ALG13: variants seen among roughly 807,000 people sequenced by gnomAD.
ALG13 encodes the protein ALG13 UDP-N-acetylglucosaminyltransferase subunit, also known as UDP-N-acetylglucosamine transferase subunit ALG13.
A neutral mutation model predicts 87.8 loss-of-function variants in ALG13; 11 were observed. The ratio of observed to expected loss-of-function variants is 0.13; its 90% CI spans 0.08 to 0.21. ALG13 has a LOEUF of 0.21. Ranked by LOEUF, ALG13 falls within the 10% of genes least tolerant of loss-of-function variation. The probability of loss-of-function intolerance (pLI) is 1.00; values close to 1 mark genes in which losing one functional copy is unlikely to be tolerated. For synonymous variants in ALG13, 320 were observed against 306.3 expected, an observed-to-expected ratio of 1.04 and a Z score of -0.47; for missense variants, 756 against 866.1, an observed-to-expected ratio of 0.87 and a Z score of 1.60.
At chrX:111,737,453 C>T (rs978055792) in intron 23 of ALG13, among the ~76,000 whole-genome samples, 2 of 111,668 alleles carry the variant, frequency 1.8e-5, no homozygotes, top group Non-Finnish European at 3.8e-5. Context: ...AAATTATCAG[C>T]AGACTTCTAG....
intron 25 of ALG13, 111 bp from the exon 26 acceptor site, chrX:111,757,477 T>A: frequency 3.5e-6 from 2 of 576,024 alleles, no homozygotes; most frequent in Non-Finnish European, 5.0e-6. Context: ...CACCTGAAAA[T>A]CGTGGCCCAA....
At chrX:111,727,582 T>C (rs770448402) in intron 17 of ALG13, 32 bp from the exon 18 acceptor site, 7 of 1,167,088 alleles carry the variant, frequency 6.0e-6, no homozygotes, top group Non-Finnish European at 8.0e-6. Context: ...TATTTCATCA[T>C]TTTTACTTTT....
At chrX:111,716,579 TGTG>T (rs1464264957) in intron 8 of ALG13, among the ~76,000 whole-genome samples, 1 of 111,731 alleles carries the variant, frequency 9.0e-6, no homozygotes, top group Non-Finnish European at 1.9e-5. Flanking sequence ...AAATACCCCT[TGTG>T]GTGGGAGAAA....
At chrX:111,730,602 A>G (rs1381535142) in intron 21 of ALG13, 22 bp downstream of exon 21, 2 of 1,125,663 alleles carry the variant, frequency 1.8e-6, no homozygotes, top group Admixed American at 5.1e-5. Context: ...ATAATAGCAA[A>G]GAGTTATAGC....
At chrX:111,727,206 C>A in intron 16 of ALG13, 126 bp from the exon 17 acceptor site, 1 of 878,746 alleles carries the variant, frequency 1.1e-6, no homozygotes, top group Admixed American at 3.0e-5. Context: ...GCCAGTATTG[C>A]AGAGAGCAGA....
chrX:111,696,433 A>G (rs964723617), intron 3 of ALG13, among the ~76,000 whole-genome samples: 1 of 111,802 alleles, frequency 8.9e-6, no homozygotes, highest in Non-Finnish European at 1.9e-5. Context: ...CAAGTTCATA[A>G]CATTCTTTTC....
At chrX:111,701,415 A>G (rs1937851003) in intron 3 of ALG13, among the ~76,000 whole-genome samples, 1 of 111,305 alleles carries the variant, frequency 9.0e-6, no homozygotes, top group Non-Finnish European at 1.9e-5. Flanking sequence ...CTATTTCTTC[A>G]TGATTTAGTC....
Position 111,726,923 on chromosome X carries a change from T to A in ALG13, c.1844T>A (p.Leu615Gln). The stretch of plus-strand genomic sequence containing the variant: ...GGAGACCCCCTCCTCCCACCCAGGC[T>A]GCAGCACAGTATGCATTATGGGCAC... ...GKGDPLLPPR[L>Q]QHSMHYGHDP... Residue 615 changes from leucine (L) to glutamine (Q), a missense_variant, in exon 16 of 27, where the codon CTG becomes CAG. Coordinates refer to ENST00000394780, the MANE Select transcript of ALG13 (RefSeq NM_001099922.3). 1.7e-6 allele frequency: 2 copies of A among 1,211,781 alleles called. No individual in the cohort carries two copies. The highest frequency in any genetic ancestry group is 1.8e-5 in the South Asian group (1 of 56,975).
Position 111,708,247 on chromosome X carries a change from T to C in ALG13, c.604T>C (p.Tyr202His). 1.7e-6 allele frequency: 2 copies of C among 1,211,620 alleles called. No individual in the cohort carries two copies. The highest frequency in any genetic ancestry group is 2.2e-6 in the Non-Finnish European group (2 of 895,419). The change falls in exon 4 of 27, where the codon TAC becomes CAC. Residue 202 changes from tyrosine to histidine, a missense_variant. By Grantham distance (83) the Tyr-to-His change is moderately conservative (BLOSUM62 2). Coordinates refer to ENST00000394780, the MANE Select transcript of ALG13 (RefSeq NM_001099922.3). ...FFPLPLTPTL[Y>H]KMHKGWKNYC... ...TCCTCTCCCTCTTACCCCCACCCTG[T>C]ACAAAATGCATAAAGGATGGAAAAA... is the stretch of plus-strand genomic sequence containing the variant.
intron 3 of ALG13, among the ~76,000 whole-genome samples, chrX:111,701,179 G>A (rs969196531): frequency 1.8e-5 from 2 of 111,538 alleles, no homozygotes; most frequent in African/African-American, 6.5e-5. Context: ...TTCTATTTTT[G>A]TAGTGTCCTT....
chrX:111,693,264 T>A (rs7880597), intron 3 of ALG13, among the ~76,000 whole-genome samples: 9,098 of 103,868 alleles, frequency 0.088, 1,048 homozygotes, highest in African/African-American at 0.3. Flanking sequence ...CTATTTATTT[T>A]TTTTTTTTTT....
chrX:111,682,324 G>A (rs377110308), intron 2 of ALG13, 30 bp downstream of exon 2: 2 of 1,114,753 alleles, frequency 1.8e-6, no homozygotes, highest in South Asian at 4.6e-5. Flanking sequence ...TCAGGGTTGG[G>A]TCTTTTAATT....
chrX:111,708,156 G>A lies in ALG13; in HGVS notation c.513G>A (p.Lys171=). 1 of 1,211,605 alleles carries A rather than the reference G, an allele frequency of 8.3e-7. No homozygotes were observed. Among genetic ancestry groups the A allele is most frequent in the Non-Finnish European group, 1.1e-6 (1 of 895,453 alleles). Residue 171 remains lysine (K), a synonymous_variant, in exon 4 of 27, where the codon AAG becomes AAA. Coordinates refer to ENST00000394780, the MANE Select transcript of ALG13 (RefSeq NM_001099922.3). ...GGCTGCTTTCCGGATACCTGCATAAGCAAGCCCTTGTTACTGCTACCCATC... is the reference window on the plus strand; with the variant it reads ...GGCTGCTTTCCGGATACCTGCATAAACAAGCCCTTGTTACTGCTACCCATC... ...DFGLLSGYLH[K]QALVTATHPT... is the part of the protein sequence containing the mutation.
In ALG13 at chrX:111,737,043, A is replaced by G. The variant is rs915215402; in HGVS notation, c.2695+164A>G. 2.8e-5 allele frequency: 12 copies of G among 429,137 alleles called. No individual in the cohort carries two copies. The South Asian group carries it at 1.1e-3, about 39-fold the overall frequency. 35.4% of individuals were successfully genotyped at this position (429,137 alleles called of 1,213,427 possible). On this transcript the variant is annotated intron_variant, in intron 23 of 26. Transcript: ENST00000394780. ...CATTGAGGAATCCATGAGATTTGAG[A>G]GTCAGGGATTCAAGTTTATTCTTGA...
intron 15 of ALG13, 36 bp from the exon 16 acceptor site, chrX:111,726,773 T>G (rs761331263): frequency 5.0e-6 from 6 of 1,207,644 alleles, no homozygotes; most frequent in Middle Eastern, 2.3e-4. Context: ...GCTTTGATTA[T>G]GAAGCTTATT....
chrX:111,718,059 A>G lies in ALG13; in HGVS notation c.1088-53A>G, dbSNP rs767087417. The stretch of plus-strand genomic sequence containing the variant: ...CGCAGGATTATGACTATTTTCACAT[A>G]GTTAATATAAATCTTATTTTGACAA... On this transcript the variant is annotated intron_variant, in intron 9 of 26. Coordinates refer to ENST00000394780, the MANE Select transcript of ALG13 (RefSeq NM_001099922.3). 145 of 1,108,025 alleles carry G rather than the reference A, an allele frequency of 1.3e-4. No individual in the cohort carries two copies. The South Asian group carries it at 2.8e-3, about 21-fold the overall frequency. The allele number at this position is 1,108,025 out of a possible 1,213,427, so 91.3% of individuals were successfully genotyped here.
chrX:111,706,770 A>G (rs917254186), intron 3 of ALG13: 3 of 111,026 alleles, frequency 2.7e-5, no homozygotes, highest in Non-Finnish European at 5.7e-5. Context: ...TTAAAAAAAT[A>G]AAAAGAAATT....
At chrX:111,722,601 G>A (rs1941512263) in intron 12 of ALG13, among the ~76,000 whole-genome samples, 192 bp from the exon 13 acceptor site, 1 of 112,149 alleles carries the variant, frequency 8.9e-6, no homozygotes, top group Middle Eastern at 4.6e-3. Flanking sequence ...AATTATTCTG[G>A]CACGTCTTTT....
At chrX:111,744,966 T>A in intron 24 of ALG13, 62 bp downstream of exon 24, 1 of 983,511 alleles carries the variant, frequency 1.0e-6, no homozygotes, top group Non-Finnish European at 1.4e-6. Flanking sequence ...TTAGAGCATA[T>A]CTCTCTTTGG....
Sources: allele counts gnomAD v4.1 joint callset (sites outside exome capture counted in the v4.1 genomes callset), GRCh38; gene constraint gnomAD v4.1.1; transcripts MANE v1.5; gene names NCBI Gene and HGNC (gene_info 2026-07-23, HGNC 2026-07-21).